CLVS1: variants seen among roughly 807,000 people sequenced by gnomAD.
CLVS1 encodes clavesin-1.
A neutral mutation model predicts 33.1 loss-of-function variants in CLVS1; 10 were observed. The ratio of observed to expected loss-of-function variants is 0.30; its 90% confidence interval spans 0.19 to 0.51. The LOEUF (loss-of-function observed/expected upper bound fraction) is 0.51, where lower values mean the gene tolerates loss of function less well. Ranked by LOEUF, CLVS1 falls within the 20% of genes least tolerant of loss-of-function variation. CLVS1 has a pLI of 0.97. For missense variants in CLVS1, 343 were observed against 433.4 expected (o/e 0.79, Z 1.85); for synonymous variants, 163 against 166.1 (o/e 0.98, Z 0.14).
the CLVS1 span, among the ~76,000 whole-genome samples, chr8:61,032,898 AGAGTTTGAGACCAG>A: frequency 3.3e-5 from 5 of 151,230 alleles, no homozygotes; most frequent in African/African-American, 4.9e-5. Flanking sequence ...TCAAAACTCT[AGAGTTTGAGACCAG>A]GAGTTTGAGA....
At chr8:61,047,923 C>G in the CLVS1 span, among the ~76,000 whole-genome samples, 1 of 150,650 alleles carries the variant, frequency 6.6e-6, no homozygotes, top group South Asian at 2.1e-4. Context: ...GCACATATAC[C>G]CTAAAACTTA....
the CLVS1 span, among the ~76,000 whole-genome samples, chr8:60,992,729 A>T: frequency 1.3e-5 from 2 of 152,194 alleles, no homozygotes; most frequent in African/African-American, 4.8e-5. Flanking sequence ...TTGCTTTTTG[A>T]GGATTCTAAA....
At chr8:61,330,505 G>C (rs945829792) in intron 2 of CLVS1, among the ~76,000 whole-genome samples, 2 of 152,172 alleles carry the variant, frequency 1.3e-5, no homozygotes, top group Non-Finnish European at 2.9e-5. Flanking sequence ...CCAATGTAAG[G>C]GACCAGTGTG....
In CLVS1 at chr8:61,059,810, CA is replaced by C. The variant is rs71559323; in HGVS notation, c.-243+2592del. On this transcript the variant is annotated intron_variant, in intron 1 of 2. Coordinates refer to the CLVS1 transcript ENST00000522621. ...AGGGCAACAGAGCGGAACTCCATCTCAAAAAAAAAAAATAGTGAACGTATAT... is the reference window on the plus strand; with the variant it reads ...AGGGCAACAGAGCGGAACTCCATCTCAAAAAAAAAAATAGTGAACGTATAT... Among the ~76,000 whole-genome samples the C allele has an allele frequency of 3.4e-3, 488 of 141,908 alleles. 1 individual carries two copies. The highest frequency in any genetic ancestry group is 8.3e-3 in the African/African-American group (323 of 38,818). 93.1% of individuals were successfully genotyped at this position (141,908 alleles called of 152,430 possible). A position where few individuals can be genotyped will look rare whatever the true frequency, so the allele number is the denominator to read the frequency against.
chr8:60,992,272 G>GT, the CLVS1 span, among the ~76,000 whole-genome samples: 3 of 152,022 alleles, frequency 2.0e-5, no homozygotes, highest in East Asian at 1.9e-4. Flanking sequence ...GTTATGTCTC[G>GT]TTTTTTTTCC....
At chr8:61,113,880 TGC>T (rs1429987270) in intron 1 of CLVS1, among the ~76,000 whole-genome samples, 1 of 152,218 alleles carries the variant, frequency 6.6e-6, no homozygotes, top group Non-Finnish European at 1.5e-5. Context: ...ACCCTCCTCT[TGC>T]CTTGGCCTCC....
chr8:61,393,011 G>T (rs1814369689), intron 3 of CLVS1, among the ~76,000 whole-genome samples: 1 of 151,948 alleles, frequency 6.6e-6, no homozygotes, highest in East Asian at 1.9e-4. Context: ...AGCCTCCTGA[G>T]TAGCTGGGAT....
intron 1 of CLVS1, among the ~76,000 whole-genome samples, chr8:61,076,811 A>G (rs1483796567): frequency 1.3e-5 from 2 of 152,140 alleles, no homozygotes; most frequent in Non-Finnish European, 2.9e-5. Flanking sequence ...AATGTGCTGC[A>G]CTGGAAGAAG....
intron 2 of CLVS1, among the ~76,000 whole-genome samples, chr8:61,147,948 G>A (rs1401633621): frequency 6.6e-6 from 1 of 152,204 alleles, no homozygotes; most frequent in East Asian, 1.9e-4. Context: ...ATTTTCAAAT[G>A]AGAAAAATCA....
intron 2 of CLVS1, among the ~76,000 whole-genome samples, chr8:61,269,067 G>A (rs984546527): frequency 6.7e-6 from 1 of 148,794 alleles, no homozygotes; most frequent in Non-Finnish European, 1.5e-5. Context: ...ATTGCTTTTG[G>A]TGTTATAGAC....
the CLVS1 span, among the ~76,000 whole-genome samples, chr8:61,023,962 C>T: frequency 1.3e-5 from 2 of 152,154 alleles, no homozygotes; most frequent in Non-Finnish European, 1.5e-5. Flanking sequence ...CCGCGCCTCC[C>T]GTTCTTCTTT....
intron 2 of CLVS1, among the ~76,000 whole-genome samples, chr8:61,351,148 C>G (rs563143102): frequency 6.6e-6 from 1 of 151,858 alleles, no homozygotes; most frequent in African/African-American, 2.4e-5. Context: ...TAAATAGGAC[C>G]ATATAAATGC....
chr8:61,391,451 T>C (rs1403545263), intron 3 of CLVS1, among the ~76,000 whole-genome samples: 1 of 152,212 alleles, frequency 6.6e-6, no homozygotes, highest in African/African-American at 2.4e-5. Flanking sequence ...ACAGGGGTAG[T>C]TGTTGCAGGG....
intron 2 of CLVS1, among the ~76,000 whole-genome samples, chr8:61,355,984 G>C (rs1473523730): frequency 1.3e-5 from 2 of 152,168 alleles, no homozygotes; most frequent in African/African-American, 4.8e-5. Flanking sequence ...CTGAGGAATC[G>C]CCACACTGAC....
chr8:61,073,427 A>G (rs1323206576), intron 1 of CLVS1, among the ~76,000 whole-genome samples: 1 of 152,190 alleles, frequency 6.6e-6, no homozygotes, highest in Non-Finnish European at 1.5e-5. Flanking sequence ...TGTTGTCATG[A>G]AGATATGTTT....
At chr8:61,212,493 C>T (rs1054871666) in intron 2 of CLVS1, among the ~76,000 whole-genome samples, 1 of 152,096 alleles carries the variant, frequency 6.6e-6, no homozygotes, top group African/African-American at 2.4e-5. Flanking sequence ...CCCAAGAGAT[C>T]CTGACGACAC....
chr8:61,015,659 C>G, the CLVS1 span, among the ~76,000 whole-genome samples: 8 of 152,298 alleles, frequency 5.3e-5, no homozygotes, highest in Admixed American at 5.2e-4. Context: ...ATTGAGAAAG[C>G]AGAGCAAAAG....
intron 3 of CLVS1, among the ~76,000 whole-genome samples, chr8:61,419,708 A>G (rs12335297): frequency 0.024 from 3,647 of 152,202 alleles, 159 homozygotes; most frequent in African/African-American, 0.084. Context: ...GGAGCTGAAT[A>G]CCTTAGTTAT....
At chr8:61,429,206 G>T (rs1471557048) in intron 3 of CLVS1, among the ~76,000 whole-genome samples, 1 of 152,042 alleles carries the variant, frequency 6.6e-6, no homozygotes, top group Non-Finnish European at 1.5e-5. Flanking sequence ...TGGATCACAA[G>T]GTCAGGAGTT....
Sources: allele counts gnomAD v4.1 joint callset (sites outside exome capture counted in the v4.1 genomes callset), GRCh38; gene constraint gnomAD v4.1.1; transcripts MANE v1.5; gene names NCBI Gene and HGNC (gene_info 2026-07-23, HGNC 2026-07-21).